CIMAP3: variants seen among roughly 807,000 people sequenced by gnomAD.
The protein encoded by CIMAP3 is ciliary microtubule associated protein 3.
At chr1:111,327,066 A>C in the CIMAP3 span, among the ~76,000 whole-genome samples, 1 of 151,978 alleles carries the variant, frequency 6.6e-6, no homozygotes, top group Non-Finnish European at 1.5e-5. Flanking sequence ...TGATTGCCTC[A>C]TTTGCTGCAC....
chr1:111,347,646 T>TG, the CIMAP3 span: 1 of 1,386,738 alleles, frequency 7.2e-7, no homozygotes, highest in South Asian at 1.3e-5. Flanking sequence ...TTGGTGTTTT[T>TG]GTTTGTTTTT....
chr1:111,348,523 C>T, the CIMAP3 span: 18 of 1,601,678 alleles, frequency 1.1e-5, no homozygotes, highest in Non-Finnish European at 1.5e-5. Flanking sequence ...CAGGAAATGA[C>T]ACCTCATGCA....
chr1:111,346,708 A>G, the CIMAP3 span: 1 of 1,601,482 alleles, frequency 6.2e-7, no homozygotes. Flanking sequence ...AGTAGAGGGC[A>G]GGTAGGGGGA....
chr1:111,351,131 T>G, the CIMAP3 span: 4 of 781,228 alleles, frequency 5.1e-6, no homozygotes, highest in Non-Finnish European at 8.2e-6. Flanking sequence ...AAGGCTAGAT[T>G]ACTATGGAGT....
chr1:111,326,513 G>T, the CIMAP3 span, among the ~76,000 whole-genome samples: 1 of 152,038 alleles, frequency 6.6e-6, no homozygotes, highest in Non-Finnish European at 1.5e-5. Context: ...ATTTCATTGG[G>T]TATATATACT....
the CIMAP3 span, among the ~76,000 whole-genome samples, chr1:111,338,888 G>A: frequency 1.0e-3 from 155 of 152,074 alleles, no homozygotes; most frequent in Non-Finnish European, 1.7e-3. Flanking sequence ...AAAGCCTGGC[G>A]GAGACACAAC....
chr1:111,326,864 T>C, the CIMAP3 span, among the ~76,000 whole-genome samples: 1 of 152,210 alleles, frequency 6.6e-6, no homozygotes, highest in African/African-American at 2.4e-5. Flanking sequence ...TCTTTTCATA[T>C]CCACGTTAGC....
the CIMAP3 span, among the ~76,000 whole-genome samples, chr1:111,327,307 A>T: frequency 1.3e-5 from 2 of 151,986 alleles, no homozygotes; most frequent in East Asian, 1.9e-4. Context: ...TTGCATTTGA[A>T]TATCCATCTC....
At chr1:111,346,586 G>A in the CIMAP3 span, 2 of 1,607,872 alleles carry the variant, frequency 1.2e-6, no homozygotes, top group Non-Finnish European at 1.7e-6. Context: ...CCGCAGCTGG[G>A]AATCACGGGA....
chr1:111,326,797 G>A, the CIMAP3 span, among the ~76,000 whole-genome samples: 5 of 152,126 alleles, frequency 3.3e-5, no homozygotes, highest in African/African-American at 7.2e-5. Context: ...ATTGGGGTAA[G>A]ATGGTATCTC....
chr1:111,350,275 A>G, the CIMAP3 span: 1 of 1,448,162 alleles, frequency 6.9e-7, no homozygotes, highest in Non-Finnish European at 9.6e-7. Context: ...TAGTACTTTC[A>G]TAGGTATTAG....
chr1:111,340,332 CA>C, the CIMAP3 span, among the ~76,000 whole-genome samples: 45,814 of 151,376 alleles, frequency 0.3, 7,554 homozygotes, highest in South Asian at 0.42. Flanking sequence ...AAAGCAATGG[CA>C]ACAAAAGACA....
At chr1:111,339,927 G>A in the CIMAP3 span, among the ~76,000 whole-genome samples, 1 of 151,676 alleles carries the variant, frequency 6.6e-6, no homozygotes, top group African/African-American at 2.4e-5. Context: ...AACAAAGCTG[G>A]AGGCATCACA....
the CIMAP3 span, among the ~76,000 whole-genome samples, chr1:111,331,646 G>A: frequency 6.6e-6 from 1 of 151,612 alleles, no homozygotes; most frequent in Non-Finnish European, 1.5e-5. Context: ...ATCTCACTAG[G>A]ATTCCTTAAT....
the CIMAP3 span, among the ~76,000 whole-genome samples, chr1:111,344,400 T>C: frequency 3.9e-5 from 6 of 152,238 alleles, no homozygotes; most frequent in Non-Finnish European, 5.9e-5. Context: ...TCTCAGAGGC[T>C]GTCTAACCAA....
the CIMAP3 span, among the ~76,000 whole-genome samples, chr1:111,332,358 G>C: frequency 2.0e-5 from 3 of 152,206 alleles, no homozygotes; most frequent in African/African-American, 7.2e-5. Flanking sequence ...TAGCCCATCA[G>C]GCTGTTTCTC....
At chr1:111,337,987 A>G in the CIMAP3 span, among the ~76,000 whole-genome samples, 4 of 149,990 alleles carry the variant, frequency 2.7e-5, no homozygotes, top group African/African-American at 9.9e-5. Context: ...AGAAATTATA[A>G]CAAACTATCT....
At chr1:111,335,710 G>T in the CIMAP3 span, among the ~76,000 whole-genome samples, 2 of 152,352 alleles carry the variant, frequency 1.3e-5, no homozygotes, top group African/African-American at 4.8e-5. Context: ...CTCGAACTGG[G>T]TGGAGCCCAC....
chr1:111,326,296 C>A, the CIMAP3 span, among the ~76,000 whole-genome samples: 103 of 152,174 alleles, frequency 6.8e-4, no homozygotes, highest in South Asian at 0.013. Flanking sequence ...CTCTTCATCC[C>A]CCACCACCCA....
Sources: gnomAD v4.1 joint callset for allele counts (sites outside exome capture counted in the v4.1 genomes callset) on GRCh38, gnomAD v4.1.1 for gene constraint, MANE v1.5 for transcripts, NCBI Gene and HGNC (gene_info 2026-07-23, HGNC 2026-07-21) for gene names.